ZSCAN5A: variants seen among roughly 807,000 people sequenced by gnomAD.
ZSCAN5A encodes the protein zinc finger and SCAN domain-containing protein 5A.
In ZSCAN5A, 12 loss-of-function variants were observed where a neutral mutation model predicts 23.7. The observed-to-expected ratio is 0.51, with a 90% CI of 0.32 to 0.82. The LOEUF is 0.82. ZSCAN5A is among the 40% of genes least tolerant of loss of function. ZSCAN5A has a pLI of 0.03. For synonymous variants in ZSCAN5A, 257 were observed against 239.9 expected (o/e 1.07, Z -0.66); for missense variants, 597 against 617.9 (o/e 0.97, Z 0.36).
chr19:56,277,098 T>C (rs540357630), intron 2 of ZSCAN5A, among the ~76,000 whole-genome samples: 27 of 152,288 alleles, frequency 1.8e-4, no homozygotes, highest in Non-Finnish European at 3.7e-4. Context: ...CTGGTGGGAA[T>C]GTGAAATGAT....
intron 2 of ZSCAN5A, among the ~76,000 whole-genome samples, chr19:56,349,579 C>T (rs1158636282): frequency 2.0e-5 from 3 of 151,690 alleles, no homozygotes; most frequent in African/African-American, 7.3e-5. Flanking sequence ...GTGGTGGGCG[C>T]CTGTAGTCCC....
At chr19:56,303,975 G>A (rs556374562) in intron 2 of ZSCAN5A, among the ~76,000 whole-genome samples, 1 of 152,284 alleles carries the variant, frequency 6.6e-6, no homozygotes, top group African/African-American at 2.4e-5. Context: ...GACCTGAGAG[G>A]GGCAGGGGGG....
chr19:56,302,582 C>CT (rs2040382735), intron 2 of ZSCAN5A, among the ~76,000 whole-genome samples: 1 of 34,384 alleles, frequency 2.9e-5, no homozygotes. Flanking sequence ...TCTTCCTCCC[C>CT]CTTTTCTTCC....
chr19:56,302,611 CCCTCTT>C (rs773487660), intron 2 of ZSCAN5A, among the ~76,000 whole-genome samples: 18 of 128,774 alleles, frequency 1.4e-4, no homozygotes, highest in Non-Finnish European at 2.3e-4. Context: ...TTCTTCCTCT[CCCTCTT>C]CCTCCCTCCC....
intron 2 of ZSCAN5A, among the ~76,000 whole-genome samples, chr19:56,230,168 C>T (rs2034331085): frequency 6.6e-6 from 1 of 152,206 alleles, no homozygotes; most frequent in Non-Finnish European, 1.5e-5. Flanking sequence ...CTCACTGCAA[C>T]CTCTGCCTCT....
intron 2 of ZSCAN5A, among the ~76,000 whole-genome samples, chr19:56,275,115 C>T (rs144776133): frequency 7.1e-4 from 108 of 152,272 alleles, no homozygotes; most frequent in African/African-American, 2.4e-3. Context: ...TTTAGTCCCT[C>T]GGCTAAGGTG....
chr19:56,261,934 A>G (rs942973215), intron 2 of ZSCAN5A, among the ~76,000 whole-genome samples: 2 of 152,204 alleles, frequency 1.3e-5, no homozygotes, highest in African/African-American at 4.8e-5. Context: ...TCACATAACT[A>G]TGACCCAGAT....
intron 3 of ZSCAN5A, chr19:56,224,272 C>A (rs71368886): frequency 3.7e-5 from 9 of 244,264 alleles, no homozygotes; most frequent in Admixed American, 1.0e-4. Flanking sequence ...CACTCTAATG[C>A]CTCCTTCCCT....
chr19:56,227,932 C>G (rs1026126429), intron 2 of ZSCAN5A, among the ~76,000 whole-genome samples: 23 of 151,970 alleles, frequency 1.5e-4, no homozygotes, highest in African/African-American at 5.6e-4. Flanking sequence ...GTGGCATATG[C>G]CTGTAGTCCC....
chr19:56,308,126 C>T (rs534567958), intron 2 of ZSCAN5A, among the ~76,000 whole-genome samples: 57 of 152,372 alleles, frequency 3.7e-4, no homozygotes, highest in African/African-American at 1.3e-3. Flanking sequence ...CTCCGCCTCC[C>T]GGGTTCAAGC....
chr19:56,268,027 C>T (rs1337111128), intron 2 of ZSCAN5A, among the ~76,000 whole-genome samples: 3 of 152,312 alleles, frequency 2.0e-5, no homozygotes, highest in East Asian at 3.9e-4. Flanking sequence ...CTTTTCAGGT[C>T]CCTTCTGGGA....
chr19:56,280,010 G>A (rs912677514), intron 2 of ZSCAN5A, among the ~76,000 whole-genome samples: 6 of 151,908 alleles, frequency 3.9e-5, no homozygotes, highest in African/African-American at 1.2e-4. Context: ...AGTTCTCAAG[G>A]TTATACTGGA....
chr19:56,231,719 C>T (rs1186022722), intron 2 of ZSCAN5A, among the ~76,000 whole-genome samples: 1 of 152,208 alleles, frequency 6.6e-6, no homozygotes, highest in African/African-American at 2.4e-5. Context: ...TTTATCTGTA[C>T]AGTTTAGCAG....
intron 2 of ZSCAN5A, among the ~76,000 whole-genome samples, chr19:56,326,529 C>T (rs966796620): frequency 6.6e-6 from 1 of 152,052 alleles, no homozygotes; most frequent in African/African-American, 2.4e-5. Flanking sequence ...TGTTACTACT[C>T]TCTGAGTTTG....
intron 2 of ZSCAN5A, among the ~76,000 whole-genome samples, chr19:56,289,644 C>T (rs2039381597): frequency 1.3e-5 from 2 of 152,220 alleles, no homozygotes; most frequent in East Asian, 3.9e-4. Flanking sequence ...GATGGGTTCT[C>T]ACTTTGTTGC....
intron 2 of ZSCAN5A, among the ~76,000 whole-genome samples, chr19:56,313,075 A>G (rs1326443747): frequency 6.6e-6 from 1 of 152,250 alleles, no homozygotes; most frequent in Non-Finnish European, 1.5e-5. Context: ...ATAACAGCTC[A>G]TAGGAAGCTC....
chr19:56,366,016 G>A (rs893378538), intron 1 of ZSCAN5A: 3 of 152,226 alleles, frequency 2.0e-5, no homozygotes, highest in African/African-American at 4.8e-5. Context: ...ATGCTCAGGA[G>A]AGAAACTATT....
intron 2 of ZSCAN5A, 170 bp from the exon 3 acceptor site, chr19:56,225,343 C>T (rs1376415090): frequency 5.1e-6 from 2 of 391,164 alleles, no homozygotes; most frequent in Non-Finnish European, 8.1e-6. Context: ...ATCTTAATGA[C>T]CCCTGGATTC....
intron 2 of ZSCAN5A, among the ~76,000 whole-genome samples, chr19:56,228,817 T>G (rs2034214744): frequency 6.6e-6 from 1 of 152,224 alleles, no homozygotes; most frequent in Non-Finnish European, 1.5e-5. Context: ...AATTTTTTAT[T>G]TTTTAAAAAG....
Sources: gnomAD v4.1 joint callset for allele counts (sites outside exome capture counted in the v4.1 genomes callset) on GRCh38, gnomAD v4.1.1 for gene constraint, MANE v1.5 for transcripts, NCBI Gene and HGNC (gene_info 2026-07-23, HGNC 2026-07-21) for gene names.